The following SH3YL1 variants were observed in gnomAD, a reference collection of about 807,000 sequenced individuals.
SH3YL1 encodes the protein SH3 domain-containing YSC84-like protein 1.
A neutral mutation model predicts 45.8 loss-of-function variants in SH3YL1; 41 were observed. The observed-to-expected ratio is 0.89, with a 90% CI of 0.70 to 1.16. SH3YL1 has a LOEUF of 1.16. Ranked by LOEUF, SH3YL1 falls within the 50% of genes most tolerant of loss-of-function variation. SH3YL1 has a pLI of 0.00. For synonymous variants in SH3YL1, 152 were observed against 151.4 expected, an observed-to-expected ratio of 1.00 and a Z score of -0.03; for missense variants, 389 against 409.6, an observed-to-expected ratio of 0.95 and a Z score of 0.43.
In SH3YL1 at chr2:218,971, G is replaced by A. The variant is rs746898791; in HGVS notation, c.869C>T (p.Ala290Val). The part of the protein sequence containing the change: ...GNLNQPIEVT[A>V]LYSFEGQQPG... ...CTGCTGTCCTTCAAATGAATACAGC[G>A]CTGTCACTTCTATGGGTTGATTCAA... Residue 290 changes from alanine (A) to valine (V), a missense_variant, in exon 10 of 10, where the codon GCG (alanine) becomes GTG (valine). Physicochemically the swap from Ala to Val is moderately conservative, Grantham distance 64. Coordinates refer to ENST00000356150, the MANE Select transcript of SH3YL1 (RefSeq NM_015677.4). 6.8e-6 allele frequency: 11 copies of A among 1,613,104 alleles called. No homozygotes were observed. Among genetic ancestry groups the A allele is most frequent in the Middle Eastern group, 1.7e-4 (1 of 6,058 alleles).
chr2:228,142 A>G (rs1244819456), intron 8 of SH3YL1, among the ~76,000 whole-genome samples: 5 of 152,150 alleles, frequency 3.3e-5, no homozygotes, highest in Non-Finnish European at 4.4e-5. Flanking sequence ...TGGAGGGAGG[A>G]GGAGTGTTCA....
At chr2:223,738 A>G (rs1667676620) in intron 9 of SH3YL1, among the ~76,000 whole-genome samples, 2 of 152,212 alleles carry the variant, frequency 1.3e-5, no homozygotes, top group African/African-American at 4.8e-5. Flanking sequence ...AAAACCTCTC[A>G]GAGCTTTCTC....
At chr2:257,650 T>TACG (rs1669401706) in intron 1 of SH3YL1, among the ~76,000 whole-genome samples, 1 of 152,212 alleles carries the variant, frequency 6.6e-6, no homozygotes, top group Admixed American at 6.5e-5. Flanking sequence ...TTCCCCTTTT[T>TACG]TGGTCTATAA....
In SH3YL1 at chr2:233,243, G is replaced by C. The variant is rs898592536; in HGVS notation, c.405-14C>G. The stretch of plus-strand genomic sequence containing the variant: ...CCTTCCAAGTTCCTGCAAAGCACAA[G>C]ATTTTGCATCACAAAGCTGTGAGCA... On this transcript the variant is annotated splice_polypyrimidine_tract_variant and intron_variant, in intron 5 of 9. Coordinates refer to ENST00000356150, the MANE Select transcript of SH3YL1 (RefSeq NM_015677.4). The C allele has an allele frequency of 6.5e-7, 1 of 1,549,590 alleles. No homozygotes were observed. The highest frequency in any genetic ancestry group is 1.4e-5 in the African/African-American group (1 of 72,932).
chr2:260,889 T>A (rs1669563215), intron 1 of SH3YL1: 1 of 152,324 alleles, frequency 6.6e-6, no homozygotes, highest in South Asian at 2.1e-4. Context: ...GGAAAGGTCA[T>A]GGCCTGATCT....
chr2:252,877 CA>C lies in SH3YL1; in HGVS notation c.112+127del, dbSNP rs1282834981. The C allele has an allele frequency of 9.7e-5, 59 of 611,106 alleles. No homozygotes were observed. The East Asian group carries it at 1.6e-3, about 17-fold the overall frequency. The allele number at this position is 611,106 out of a possible 1,614,324, so 37.9% of individuals were successfully genotyped here. ...AGTCATGAGAAAAAAGGTGGTGGAA[CA>C]AAAGGTGGCTGAACTACTTGTTGGC... is the stretch of plus-strand genomic sequence containing the variant. On this transcript the variant is annotated intron_variant, in intron 2 of 9. Coordinates refer to ENST00000356150, the MANE Select transcript of SH3YL1 (RefSeq NM_015677.4).
intron 1 of SH3YL1, among the ~76,000 whole-genome samples, chr2:253,993 T>TA (rs1395256344): frequency 3.3e-5 from 5 of 152,200 alleles, no homozygotes; most frequent in Admixed American, 6.5e-5. Context: ...CAAAGGATGT[T>TA]AAACAAAACC....
intron 4 of SH3YL1, chr2:241,416 T>C (rs547021357): frequency 6.6e-6 from 1 of 152,106 alleles, no homozygotes; most frequent in Non-Finnish European, 1.5e-5. Context: ...GGGACACCAT[T>C]AGGTGCACCA....
chr2:257,187 T>C (rs2103057308), intron 1 of SH3YL1, among the ~76,000 whole-genome samples: 1 of 152,308 alleles, frequency 6.6e-6, no homozygotes, highest in South Asian at 2.1e-4. Flanking sequence ...CTGTAGGTTG[T>C]TTTCTCTGTT....
At chr2:252,082 T>C (rs1053036082) in intron 2 of SH3YL1, among the ~76,000 whole-genome samples, 4 of 152,178 alleles carry the variant, frequency 2.6e-5, no homozygotes, top group Non-Finnish European at 5.9e-5. Flanking sequence ...ACTGATCTTA[T>C]GTGTCACTGA....
At chr2:225,014 A>G (rs952501112) in intron 8 of SH3YL1, 94 bp from the exon 9 acceptor site, 9 of 889,340 alleles carry the variant, frequency 1.0e-5, no homozygotes, top group Non-Finnish European at 1.7e-5. Context: ...TTGCTGAGCA[A>G]ATATTTTAAA....
intron 9 of SH3YL1, chr2:222,788 G>A (rs957301601): frequency 5.9e-5 from 9 of 152,252 alleles, no homozygotes; most frequent in Admixed American, 5.9e-4. Flanking sequence ...GCCCCTCCGT[G>A]GGGCTGAGAC....
In SH3YL1 at chr2:218,681, T is replaced by C. The variant is rs1011707464; in HGVS notation, c.*130A>G. On this transcript the variant is annotated 3_prime_UTR_variant, in exon 10 of 10. Coordinates refer to ENST00000356150, the MANE Select transcript of SH3YL1 (RefSeq NM_015677.4). ...TTTTATATAGAAAAACAAAATCTTT[T>C]ACATACGGAATGGAAATTTTGTAGA... The C allele has an allele frequency of 2.7e-6, 2 of 752,108 alleles. No individual in the cohort carries two copies. Among genetic ancestry groups the C allele is most frequent in the Non-Finnish European group, 2.1e-6 (1 of 483,736 alleles). 46.6% of individuals were successfully genotyped at this position (752,108 alleles called of 1,614,324 possible).
intron 4 of SH3YL1, among the ~76,000 whole-genome samples, chr2:247,175 G>A (rs1241528784): frequency 1.3e-5 from 2 of 152,242 alleles, no homozygotes; most frequent in Non-Finnish European, 2.9e-5. Flanking sequence ...AAATGATGAT[G>A]CACTGCCCAC....
At chr2:245,568 G>C (rs1668760737) in intron 4 of SH3YL1, among the ~76,000 whole-genome samples, 1 of 152,176 alleles carries the variant, frequency 6.6e-6, no homozygotes. Context: ...AGATGTAGAA[G>C]CTGAGGTGTG....
chr2:261,861 T>C, intron 1 of SH3YL1, among the ~76,000 whole-genome samples: 1 of 152,236 alleles, frequency 6.6e-6, no homozygotes, highest in Non-Finnish European at 1.5e-5. Flanking sequence ...CAATGGACTC[T>C]AATTATGAAA....
intron 4 of SH3YL1, chr2:244,760 T>C (rs544444909): frequency 9.9e-5 from 15 of 152,254 alleles, no homozygotes; most frequent in African/African-American, 3.6e-4. Context: ...GGTGTGAAGT[T>C]TGAGAAAGTC....
intron 4 of SH3YL1, among the ~76,000 whole-genome samples, chr2:239,191 A>G (rs1668436848): frequency 6.6e-6 from 1 of 152,226 alleles, no homozygotes; most frequent in Admixed American, 6.5e-5. Context: ...CCATTAATGA[A>G]CACACAATTA....
chr2:235,376 A>G (rs1291888506), intron 4 of SH3YL1, among the ~76,000 whole-genome samples: 1 of 103,744 alleles, frequency 9.6e-6, no homozygotes, highest in Non-Finnish European at 2.1e-5. Flanking sequence ...CAGGGGAGGC[A>G]GCAGCATGGG....
Sources: gnomAD v4.1 joint callset for allele counts (sites outside exome capture counted in the v4.1 genomes callset) on GRCh38, gnomAD v4.1.1 for gene constraint, MANE v1.5 for transcripts, NCBI Gene and HGNC (gene_info 2026-07-23, HGNC 2026-07-21) for gene names.